Variants in PPP3CC observed in about 807,000 individuals in gnomAD.
PPP3CC encodes the protein serine/threonine-protein phosphatase 2B catalytic subunit gamma isoform.
In PPP3CC, 35 loss-of-function variants were observed where a neutral mutation model predicts 60.3. The ratio of observed to expected loss-of-function variants is 0.58; its 90% CI spans 0.44 to 0.77. PPP3CC has a LOEUF of 0.77. Ranked by LOEUF, PPP3CC falls within the 30% of genes least tolerant of loss-of-function variation. The pLI is 0.00. For synonymous variants in PPP3CC, 206 were observed against 224.3 expected (o/e 0.92, Z 0.73); for missense variants, 570 against 628.9 (o/e 0.91, Z 1.00).
At chr8:22,508,172 T>G (rs756300516) in intron 4 of PPP3CC, among the ~76,000 whole-genome samples, 2 of 152,266 alleles carry the variant, frequency 1.3e-5, no homozygotes, top group East Asian at 1.9e-4. Context: ...GGAGGACCAC[T>G]TGATCCTAGG....
At chr8:22,470,276 G>A (rs140593002) in intron 1 of PPP3CC, among the ~76,000 whole-genome samples, 1 of 152,014 alleles carries the variant, frequency 6.6e-6, no homozygotes, top group African/African-American at 2.4e-5. Flanking sequence ...TGTGAGCCAC[G>A]ATGCCTGGCC....
chr8:22,515,958 A>T (rs981138968), intron 6 of PPP3CC, among the ~76,000 whole-genome samples: 1 of 126,990 alleles, frequency 7.9e-6, no homozygotes, highest in African/African-American at 3.8e-5. Flanking sequence ...TTTTATTTTG[A>T]GACAAGGTCT....
chr8:22,536,766 A>G (rs769075901), intron 12 of PPP3CC, among the ~76,000 whole-genome samples: 12 of 152,208 alleles, frequency 7.9e-5, no homozygotes, highest in Non-Finnish European at 1.3e-4. Context: ...AGCATTAACT[A>G]AAAAAGACCT....
chr8:22,474,390 T>G, intron 1 of PPP3CC, among the ~76,000 whole-genome samples: 1 of 152,080 alleles, frequency 6.6e-6, no homozygotes, highest in Non-Finnish European at 1.5e-5. Context: ...TGAATCAGCT[T>G]CAAGTCTTTC....
At chr8:22,484,352 A>G (rs1050215619) in intron 3 of PPP3CC, among the ~76,000 whole-genome samples, 2 of 151,842 alleles carry the variant, frequency 1.3e-5, no homozygotes, top group Non-Finnish European at 2.9e-5. Context: ...TATATATATA[A>G]TATAAGCATA....
intron 1 of PPP3CC, among the ~76,000 whole-genome samples, chr8:22,449,590 T>C (rs537077551): frequency 1.3e-5 from 2 of 152,110 alleles, no homozygotes; most frequent in East Asian, 3.9e-4. Flanking sequence ...TAAAGAATAT[T>C]ATAGCTGATG....
In PPP3CC at chr8:22,539,468, G is replaced by A; in HGVS notation, c.1322-1G>A. 6.2e-7 allele frequency: 1 copy of A among 1,613,974 alleles called. No homozygotes were observed. Among genetic ancestry groups the A allele is most frequent in the Non-Finnish European group, 8.5e-7 (1 of 1,179,978 alleles). ...ATGCTACTGCTCCTGCCCTCTTACA[G>A]CCACAGTAGAAGCGGTAGAGGCCCG... On this transcript the variant is annotated splice_acceptor_variant, in intron 12 of 13. Coordinates refer to ENST00000240139, the MANE Select transcript of PPP3CC (RefSeq NM_005605.5). LOFTEE classifies it high-confidence loss of function.
chr8:22,536,789 A>G (rs75504233), intron 12 of PPP3CC, among the ~76,000 whole-genome samples: 3,018 of 152,322 alleles, frequency 0.02, 112 homozygotes, highest in African/African-American at 0.068. Flanking sequence ...TATTGTTCAT[A>G]TAACTTAACT....
chr8:22,515,173 G>A (rs1586853368), intron 6 of PPP3CC, among the ~76,000 whole-genome samples: 2 of 151,906 alleles, frequency 1.3e-5, no homozygotes, highest in Non-Finnish European at 1.5e-5. Context: ...ATCTCCATGA[G>A]TTCAGTTGTT....
chr8:22,538,236 C>G (rs1839887054), intron 12 of PPP3CC, among the ~76,000 whole-genome samples: 2 of 152,318 alleles, frequency 1.3e-5, no homozygotes, highest in South Asian at 4.1e-4. Flanking sequence ...CTTTTAAGCT[C>G]TAATTAGACC....
chr8:22,458,699 G>T (rs1837279634), intron 1 of PPP3CC, among the ~76,000 whole-genome samples: 1 of 151,922 alleles, frequency 6.6e-6, no homozygotes, highest in Non-Finnish European at 1.5e-5. Context: ...GCTACCTATA[G>T]AAACTTAGAT....
Position 22,441,467 on chromosome 8 carries a change from C to T in PPP3CC, c.49+9C>T. ...CGACCGCGTCATCAAAGGTGCCTGG[C>T]GGGCCGGGCCTTCCTCTGGGACCCG... On this transcript the variant is annotated intron_variant, in intron 1 of 13. Coordinates refer to ENST00000240139, the MANE Select transcript of PPP3CC (RefSeq NM_005605.5). 1 of 1,532,038 alleles carries T rather than the reference C, an allele frequency of 6.5e-7. No homozygotes were observed. Among genetic ancestry groups the T allele is most frequent in the Non-Finnish European group, 8.8e-7 (1 of 1,138,328 alleles). The allele number at this position is 1,532,038 out of a possible 1,614,324, so 94.9% of individuals were successfully genotyped here.
intron 4 of PPP3CC, among the ~76,000 whole-genome samples, chr8:22,501,142 A>G (rs888628354): frequency 6.6e-5 from 10 of 152,274 alleles, no homozygotes; most frequent in South Asian, 2.1e-4. Context: ...CCTGGGAGAC[A>G]TAGTGAGACC....
At chr8:22,477,014 G>A (rs1024258408) in intron 3 of PPP3CC, among the ~76,000 whole-genome samples, 1 of 152,022 alleles carries the variant, frequency 6.6e-6, no homozygotes, top group African/African-American at 2.4e-5. Context: ...AAAGTTAAAG[G>A]TATAAACTGA....
chr8:22,493,922 G>A (rs1838484666), intron 3 of PPP3CC, among the ~76,000 whole-genome samples: 3 of 152,084 alleles, frequency 2.0e-5, no homozygotes, highest in Admixed American at 1.3e-4. Context: ...TATATGACTG[G>A]CAGTGCAGTA....
chr8:22,511,236 G>C lies in PPP3CC; in HGVS notation c.630+5G>C. On this transcript the variant is annotated splice_donor_5th_base_variant and intron_variant, in intron 5 of 13. Coordinates refer to ENST00000240139, the MANE Select transcript of PPP3CC (RefSeq NM_005605.5). ...TCTTTAGATGACATTAGGAAAGTAA[G>C]TAATCTTTTATTATTCTCACAGGGA... The C allele has an allele frequency of 6.2e-7, 1 of 1,607,552 alleles. No individual in the cohort carries two copies. The highest frequency in any genetic ancestry group is 8.5e-7 in the Non-Finnish European group (1 of 1,175,488).
intron 1 of PPP3CC, among the ~76,000 whole-genome samples, chr8:22,459,842 G>A (rs917490666): frequency 6.6e-6 from 1 of 152,070 alleles, no homozygotes. Flanking sequence ...TTGTGACTTT[G>A]GGGTAGACTA....
chr8:22,519,160 A>T (rs1839337080), intron 6 of PPP3CC, among the ~76,000 whole-genome samples: 1 of 151,968 alleles, frequency 6.6e-6, no homozygotes, highest in Non-Finnish European at 1.5e-5. Context: ...ATGATTTCTG[A>T]CTTAAAGTTT....
chr8:22,476,414 T>C (rs537801464), intron 3 of PPP3CC, among the ~76,000 whole-genome samples: 1 of 152,334 alleles, frequency 6.6e-6, no homozygotes, highest in African/African-American at 2.4e-5. Flanking sequence ...TCTTGCTGTC[T>C]ATAGTCCTGC....
Sources: gnomAD v4.1 joint callset for allele counts (sites outside exome capture counted in the v4.1 genomes callset) on GRCh38, gnomAD v4.1.1 for gene constraint, MANE v1.5 for transcripts, NCBI Gene and HGNC (gene_info 2026-07-23, HGNC 2026-07-21) for gene names.